Variants in RAP1GAP observed in about 807,000 individuals in gnomAD.
RAP1GAP encodes rap1 GTPase-activating protein 1.
A neutral mutation model predicts 87.2 loss-of-function variants in RAP1GAP; 35 were observed. That is an observed-to-expected ratio of 0.40 (90% confidence interval 0.31 to 0.53). The LOEUF is 0.53. Ranked by LOEUF, RAP1GAP falls within the 20% of genes least tolerant of loss-of-function variation. RAP1GAP has a pLI of 0.48. For missense variants in RAP1GAP, 734 were observed against 898.9 expected, an observed-to-expected ratio of 0.82 and a Z score of 2.35; for synonymous variants, 375 against 363.9, an observed-to-expected ratio of 1.03 and a Z score of -0.35.
chr1:21,650,121 G>A (rs1048530876), intron 1 of RAP1GAP, among the ~76,000 whole-genome samples: 1 of 152,024 alleles, frequency 6.6e-6, no homozygotes, highest in Non-Finnish European at 1.5e-5. Flanking sequence ...TTGGATCATG[G>A]CAAGGATGTA....
intron 1 of RAP1GAP, among the ~76,000 whole-genome samples, chr1:21,664,163 T>C (rs1476541270): frequency 6.6e-6 from 1 of 152,176 alleles, no homozygotes; most frequent in Non-Finnish European, 1.5e-5. Flanking sequence ...CCAGCTCTCA[T>C]AGCAACCTAG....
At position 21,603,524 on chromosome 1, in the gene RAP1GAP, G is replaced by C. The variant is rs747842607; in HGVS notation, c.1429-611C>G. ...AGAGGGATGGCGCTCCATGCAGACC[G>C]GCGATATTGGGGGACGTGCGGCTGG... On this transcript the variant is annotated intron_variant, in intron 18 of 24. Coordinates refer to ENST00000374765, the MANE Select transcript of RAP1GAP (RefSeq NM_002885.4). This position sits in a 1 kb window ranked among gnomAD's most constrained non-coding sequence, Gnocchi z 6.0. The C allele has an allele frequency of 1.7e-6, 1 of 603,180 alleles. No homozygotes were observed. The highest frequency in any genetic ancestry group is 2.0e-5 in the South Asian group (1 of 51,144). The allele number at this position is 603,180 out of a possible 1,614,324, so 37.4% of individuals were successfully genotyped here.
In RAP1GAP at chr1:21,669,331, G is replaced by T. The variant is rs770334574; in HGVS notation, c.-226C>A. The T allele has an allele frequency of 3.7e-6, 4 of 1,086,000 alleles. No individual in the cohort carries two copies. The South Asian group carries it at 8.5e-5, about 23-fold the overall frequency. 67.3% of individuals were successfully genotyped at this position (1,086,000 alleles called of 1,614,324 possible). A position where few individuals can be genotyped will look rare whatever the true frequency, so the allele number is the denominator to read the frequency against. ...CGCCGCTGCAGCTCTGCTCAGATGC[G>T]GCCGGCGCTCGCCGCCGCCGCAGTT... is the stretch of plus-strand genomic sequence containing the variant. On this transcript the variant is annotated 5_prime_UTR_variant, in exon 1 of 25. Coordinates refer to ENST00000374765, the MANE Select transcript of RAP1GAP (RefSeq NM_002885.4). The surrounding 1 kb of genome is among the most constrained non-coding windows in gnomAD (Gnocchi z 5.6).
chr1:21,644,886 G>A (rs2095870006), intron 2 of RAP1GAP, among the ~76,000 whole-genome samples: 1 of 131,550 alleles, frequency 7.6e-6, no homozygotes, highest in African/African-American at 2.9e-5. Context: ...GGGTAACAGA[G>A]TGAGACCCTG....
At position 21,599,594 on chromosome 1, in the gene RAP1GAP, GCT is replaced by G; in HGVS notation, c.1674_1675del (p.Arg558SerfsTer52). The G allele has an allele frequency of 1.2e-6, 2 of 1,607,256 alleles. No individual in the cohort carries two copies. Among genetic ancestry groups the G allele is most frequent in the Non-Finnish European group, 1.7e-6 (2 of 1,179,936 alleles). On this transcript the variant is annotated frameshift_variant, in exon 21 of 25. Coordinates refer to ENST00000374765, the MANE Select transcript of RAP1GAP (RefSeq NM_002885.4). LOFTEE classifies it high-confidence loss of function. The stretch of plus-strand genomic sequence containing the variant: ...GCGGGAGAAGTCCTTGAGCGCCTCT[GCT>G]CTCTGCGCTGCGGTCTCCGCTCTGC...
Position 21,617,919 on chromosome 1 carries a change from G to A in RAP1GAP, c.105+15C>T, listed in dbSNP as rs779500206. 8 of 1,614,148 alleles carry A rather than the reference G, an allele frequency of 5.0e-6. No individual in the cohort carries two copies. The highest frequency in any genetic ancestry group is 5.9e-6 in the Non-Finnish European group (7 of 1,180,002). ...GGGCTTGAGTAAGGGTGGGCGCGGG[G>A]TTCTAGCTGAGTACCTCGTGCACGC... On this transcript the variant is annotated intron_variant, in intron 6 of 24. Transcript: ENST00000374765.
chr1:21,635,892 C>T (rs1488656702), intron 2 of RAP1GAP, among the ~76,000 whole-genome samples: 1 of 152,258 alleles, frequency 6.6e-6, no homozygotes, highest in Non-Finnish European at 1.5e-5. Flanking sequence ...CCGGCTCTCT[C>T]ATCCTACAGA....
At chr1:21,647,838 G>C (rs1316956592) in intron 2 of RAP1GAP, among the ~76,000 whole-genome samples, 1 of 152,160 alleles carries the variant, frequency 6.6e-6, no homozygotes, top group East Asian at 1.9e-4. Flanking sequence ...GACAAAGTTG[G>C]GCTGGAGGTG....
chr1:21,644,247 A>C (rs1184716356), intron 2 of RAP1GAP, among the ~76,000 whole-genome samples: 1 of 152,116 alleles, frequency 6.6e-6, no homozygotes, highest in Non-Finnish European at 1.5e-5. Context: ...ACACCCTGCC[A>C]GCTCCCCCAT....
intron 13 of RAP1GAP, 116 bp downstream of exon 13, chr1:21,611,336 C>A (rs1558667549): frequency 1.4e-6 from 2 of 1,384,254 alleles, no homozygotes; most frequent in African/African-American, 2.9e-5. Flanking sequence ...GGGCGCTGAT[C>A]ATTTCCATCT....
intron 1 of RAP1GAP, chr1:21,653,323 T>G (rs1235000172): frequency 6.6e-6 from 1 of 152,228 alleles, no homozygotes; most frequent in African/African-American, 2.4e-5. Context: ...GTTCAGAGCC[T>G]GGACAGGGCA....
intron 24 of RAP1GAP, 46 bp downstream of exon 24, chr1:21,597,640 C>T: frequency 6.6e-7 from 1 of 1,506,734 alleles, no homozygotes; most frequent in Non-Finnish European, 9.1e-7. Context: ...CCTCTACACA[C>T]CCCCACCCTC....
chr1:21,614,365 C>T (rs571956265), intron 7 of RAP1GAP, among the ~76,000 whole-genome samples: 1 of 152,204 alleles, frequency 6.6e-6, no homozygotes, highest in Non-Finnish European at 1.5e-5. Context: ...GCAGCCAGGA[C>T]TGAAAGGGAT....
chr1:21,667,375 G>A (rs2097399204), intron 1 of RAP1GAP, among the ~76,000 whole-genome samples: 1 of 152,246 alleles, frequency 6.6e-6, no homozygotes, highest in Non-Finnish European at 1.5e-5. Flanking sequence ...GGTAGTTAGA[G>A]CCAGGAGAGG....
chr1:21,637,195 C>T (rs1175481154), intron 2 of RAP1GAP, among the ~76,000 whole-genome samples: 11 of 137,824 alleles, frequency 8.0e-5, no homozygotes, highest in African/African-American at 1.9e-4. Flanking sequence ...CTCACTTTGT[C>T]GCCCAGGGTG....
intron 2 of RAP1GAP, among the ~76,000 whole-genome samples, chr1:21,641,364 AT>A (rs2095508902): frequency 6.6e-6 from 1 of 151,752 alleles, no homozygotes; most frequent in Non-Finnish European, 1.5e-5. Flanking sequence ...AATCCTTTAC[AT>A]TTTCTCTACC....
chr1:21,638,555 G>A (rs2095172989), intron 2 of RAP1GAP, among the ~76,000 whole-genome samples: 1 of 151,846 alleles, frequency 6.6e-6, no homozygotes, highest in African/African-American at 2.4e-5. Flanking sequence ...AAGCCCAGTT[G>A]GGCTGTGTCT....
intron 18 of RAP1GAP, among the ~76,000 whole-genome samples, chr1:21,604,756 G>A (rs1229074868): frequency 6.7e-6 from 1 of 150,200 alleles, no homozygotes; most frequent in Non-Finnish European, 1.5e-5. Flanking sequence ...GGCTTGGCAT[G>A]CAGTAGACAG....
chr1:21,602,514 C>A (rs1252967264), intron 19 of RAP1GAP, among the ~76,000 whole-genome samples: 1 of 152,232 alleles, frequency 6.6e-6, no homozygotes, highest in East Asian at 1.9e-4. Flanking sequence ...CGGATGCTGG[C>A]CCTAGACAGA....
Sources: allele counts gnomAD v4.1 joint callset (sites outside exome capture counted in the v4.1 genomes callset), GRCh38; gene constraint gnomAD v4.1.1; non-coding constraint Gnocchi (gnomAD v3.1); transcripts MANE v1.5; gene names NCBI Gene and HGNC (gene_info 2026-07-23, HGNC 2026-07-21).